SPIC: variants seen among roughly 807,000 people sequenced by gnomAD.
SPIC encodes Spi-C transcription factor.
A neutral mutation model predicts 16.7 loss-of-function variants in SPIC; 9 were observed. The observed-to-expected ratio is 0.54, with a 90% CI of 0.33 to 0.94. The LOEUF is 0.94. SPIC is among the 40% of genes least tolerant of loss of function. The pLI, the probability that SPIC is intolerant of heterozygous loss-of-function variation, is 0.03. For synonymous variants in SPIC, 97 were observed against 102.9 expected, an observed-to-expected ratio of 0.94 and a Z score of 0.35; for missense variants, 241 against 285.8, an observed-to-expected ratio of 0.84 and a Z score of 1.13.
At chr12:101,486,085 G>A (rs1350761298) in intron 5 of SPIC, among the ~76,000 whole-genome samples, 1 of 152,216 alleles carries the variant, frequency 6.6e-6, no homozygotes, top group Non-Finnish European at 1.5e-5. Context: ...ACAGGCGTGA[G>A]CCATCACGCC....
rs1400690461 is a variant in SPIC at position 101,484,169 on chromosome 12, T to C, written c.319+1269T>C. Among the ~76,000 whole-genome samples the C allele has an allele frequency of 2.0e-5, 3 of 151,260 alleles. No homozygotes were observed. The East Asian group carries it at 5.9e-4, about 30-fold the overall frequency. The stretch of plus-strand genomic sequence containing the variant: ...CTTTTTTTAAAAAAATTTTCACATA[T>C]ACAAGTATATGCATATCCTTTGAAA... On this transcript the variant is annotated intron_variant, in intron 5 of 5. Transcript: ENST00000551346.
chr12:101,475,581 ACTGT>A (rs1209096078), intron 1 of SPIC, 79 bp downstream of exon 1: 2 of 152,106 alleles, frequency 1.3e-5, no homozygotes, highest in Admixed American at 6.6e-5. Context: ...AGTGTTTCTC[ACTGT>A]CTGCGTGTTC....
chr12:101,476,776 T>A (rs907755222), intron 1 of SPIC, 52 bp from the exon 2 acceptor site: 4 of 480,086 alleles, frequency 8.3e-6, no homozygotes, highest in Non-Finnish European at 1.4e-5. Context: ...TTATTCAGAA[T>A]CAAATTAGAG....
chr12:101,480,401 T>C (rs1220237435), intron 4 of SPIC, among the ~76,000 whole-genome samples: 1 of 152,218 alleles, frequency 6.6e-6, no homozygotes, highest in African/African-American at 2.4e-5. Context: ...GACTGCTCTG[T>C]TTTCCTTCTC....
chr12:101,479,172 AAAAGAAAG>A (rs199501054), intron 3 of SPIC, among the ~76,000 whole-genome samples: 2,813 of 82,786 alleles, frequency 0.034, 131 homozygotes, highest in African/African-American at 0.07. Context: ...GAAAGAAAGA[AAAAGAAAG>A]AAAGAAAGAA....
At chr12:101,480,094 G>A (rs1423511861) in intron 4 of SPIC, among the ~76,000 whole-genome samples, 1 of 152,192 alleles carries the variant, frequency 6.6e-6, no homozygotes, top group East Asian at 1.9e-4. Flanking sequence ...AGGATTACAG[G>A]CGTGAGCCAC....
intron 5 of SPIC, among the ~76,000 whole-genome samples, chr12:101,483,438 T>C (rs1873270873): frequency 6.6e-6 from 1 of 152,048 alleles, no homozygotes; most frequent in African/African-American, 2.4e-5. Context: ...AGAACCTGCC[T>C]GAGGCTGATT....
At chr12:101,484,886 A>G (rs921627808) in intron 5 of SPIC, among the ~76,000 whole-genome samples, 2 of 151,950 alleles carry the variant, frequency 1.3e-5, no homozygotes, top group Non-Finnish European at 2.9e-5. Context: ...AATAAATAAA[A>G]TAAAATAAAA....
Position 101,478,339 on chromosome 12 carries a change from T to A in SPIC, c.97+688T>A, listed in dbSNP as rs548925509. Among the ~76,000 whole-genome samples the A allele has an allele frequency of 6.1e-4, 92 of 152,064 alleles. 1 individual carries two copies. The highest frequency in any genetic ancestry group is 5.4e-4 in the Non-Finnish European group (37 of 68,024). On this transcript the variant is annotated intron_variant, in intron 3 of 5. Transcript: ENST00000551346. ...AGCCACTGTGCCCGGTGACCTTTTTTATCTTTAATTTAATTTTTATTTGTT... is the reference window on the plus strand; with the variant it reads ...AGCCACTGTGCCCGGTGACCTTTTTAATCTTTAATTTAATTTTTATTTGTT...
At position 101,482,891 on chromosome 12, in the gene SPIC, G is replaced by T. The variant is rs554005949; in HGVS notation, c.310G>T (p.Gly104Trp). The change falls in exon 5 of 6, where the codon GGG becomes TGG. Residue 104 changes from glycine (G) to tryptophan (W), a missense_variant. Gly to Trp is a radical substitution (Grantham distance 184). Coordinates refer to ENST00000551346, the MANE Select transcript of SPIC (RefSeq NM_152323.3). ...ACAACCCACTCTTCTCCAGCAAAAGGGGGGAAAAGGTACGTTGATCCATCA... is the reference window on the plus strand; with the variant it reads ...ACAACCCACTCTTCTCCAGCAAAAGTGGGGAAAAGGTACGTTGATCCATCA... ...LVQPTLLQQK[G>W]GKGRKKLRLF... 5 of 1,613,648 alleles carry T rather than the reference G, an allele frequency of 3.1e-6. No homozygotes were observed. The African/African-American group carries it at 6.7e-5, about 22-fold the overall frequency.
Position 101,482,818 on chromosome 12 carries a change from A to G in SPIC, c.237A>G (p.Glu79=), listed in dbSNP as rs137937910. ...VINSAADFYF[E]GNIHQSLQNI... Reference sequence around the variant, plus strand: ...ACAGTGCTGCGGACTTCTATTTTGAAGGAAATATTCATCAATCTCTGCAGA... The same window carrying G: ...ACAGTGCTGCGGACTTCTATTTTGAGGGAAATATTCATCAATCTCTGCAGA... Residue 79 remains glutamate, a synonymous_variant, in exon 5 of 6, where the codon GAA becomes GAG. Transcript: ENST00000551346. 12 of 1,614,024 alleles carry G rather than the reference A, an allele frequency of 7.4e-6. No individual in the cohort carries two copies. In the East Asian group the frequency reaches 1.3e-4, roughly 18 times the overall value.
rs1593489802 is a variant in SPIC, at chr12:101,477,601, C to T, written c.47C>T (p.Ala16Val). 1 of 1,613,876 alleles carries T rather than the reference C, an allele frequency of 6.2e-7. No homozygotes were observed. The change falls in exon 3 of 6, where the codon GCT becomes GTT. Residue 16 changes from alanine to valine, a missense_variant. Coordinates refer to ENST00000551346, the MANE Select transcript of SPIC (RefSeq NM_152323.3). ...QDKLGQAFED[A>V]FEVLRQHSTG... ...AAGCTGGGTCAAGCATTTGAAGATGCTTTTGAGGTTCTGAGGCAACATTCA... is the reference window on the plus strand; with the variant it reads ...AAGCTGGGTCAAGCATTTGAAGATGTTTTTGAGGTTCTGAGGCAACATTCA...
At position 101,476,923 on chromosome 12, in the gene SPIC, A is replaced by G. The variant is rs199563222; in HGVS notation, c.3+16A>G. 1.8e-5 allele frequency: 26 copies of G among 1,454,240 alleles called. No individual in the cohort carries two copies. Among genetic ancestry groups the G allele is most frequent in the Middle Eastern group, 1.8e-4 (1 of 5,540 alleles). 90.1% of individuals were successfully genotyped at this position (1,454,240 alleles called of 1,614,324 possible). Reference sequence around the variant, plus strand: ...ATGAAATATGGTAAGCTGACATTTTAATATTTTCTTTACTCTGTCCACAGA... The same window carrying G: ...ATGAAATATGGTAAGCTGACATTTTGATATTTTCTTTACTCTGTCCACAGA... On this transcript the variant is annotated intron_variant, in intron 2 of 5. Coordinates refer to ENST00000551346, the MANE Select transcript of SPIC (RefSeq NM_152323.3).
intron 3 of SPIC, among the ~76,000 whole-genome samples, chr12:101,478,926 C>T (rs1027841034): frequency 6.9e-6 from 1 of 144,370 alleles, no homozygotes; most frequent in Non-Finnish European, 1.6e-5. Flanking sequence ...CACTTGAGCC[C>T]AGGAGTTCAA....
chr12:101,484,978 A>T (rs1873323856), intron 5 of SPIC, among the ~76,000 whole-genome samples: 1 of 152,248 alleles, frequency 6.6e-6, no homozygotes, highest in Admixed American at 6.5e-5. Flanking sequence ...AATGAGAGAC[A>T]GAGGAGTTTT....
At position 101,479,236 on chromosome 12, in the gene SPIC, G is replaced by GAA. The variant is rs1565831166; in HGVS notation, c.98-344_98-343dup. Among the ~76,000 whole-genome samples the GAA allele has an allele frequency of 8.1e-3, 719 of 89,142 alleles. 33 individuals are homozygous for GAA. The highest frequency in any genetic ancestry group is 0.012 in the Non-Finnish European group (492 of 41,128). 58.5% of individuals were successfully genotyped at this position (89,142 alleles called of 152,430 possible). On this transcript the variant is annotated intron_variant, in intron 3 of 5. Transcript: ENST00000551346. ...AGAAAGAAAGAAGGAAAGAAAGAAA[G>GAA]AAAGAAAAAGAAAGAAAGAAGGAAG...
chr12:101,481,578 C>T (rs888291040), intron 4 of SPIC, among the ~76,000 whole-genome samples: 11 of 149,164 alleles, frequency 7.4e-5, no homozygotes, highest in South Asian at 2.1e-4. Flanking sequence ...AGTGTGATCT[C>T]GGCTCACTGC....
At chr12:101,484,568 AT>A (rs1873306985) in intron 5 of SPIC, among the ~76,000 whole-genome samples, 1 of 149,784 alleles carries the variant, frequency 6.7e-6, no homozygotes, top group African/African-American at 2.5e-5. Context: ...AATAAAGAAA[AT>A]AAATAGATAG....
At position 101,479,584 on chromosome 12, in the gene SPIC, T is replaced by G. The variant is rs1474082548; in HGVS notation, c.100T>G (p.Tyr34Asp). Residue 34 changes from tyrosine to aspartate, a missense_variant and splice_region_variant, in exon 4 of 6, where the codon TAC becomes GAC. By Grantham distance (160) the Tyr-to-Asp change is radical. Transcript: ENST00000551346. ...TTCTTTCTCTGATTTAAAATTAGAT[T>G]ACAGAAATTACCTGGCTTTAATCAA... ...STGDLQYSPD[Y>D]RNYLALINHR... 6.2e-7 allele frequency: 1 copy of G among 1,609,914 alleles called. No individual in the cohort carries two copies. The highest frequency in any genetic ancestry group is 2.2e-5 in the East Asian group (1 of 44,810).
Sources: gnomAD v4.1 joint callset for allele counts (sites outside exome capture counted in the v4.1 genomes callset) on GRCh38, gnomAD v4.1.1 for gene constraint, MANE v1.5 for transcripts, NCBI Gene and HGNC (gene_info 2026-07-23, HGNC 2026-07-21) for gene names.